RBMS3: variants seen among roughly 807,000 people sequenced by gnomAD.
The protein encoded by RBMS3 is RNA-binding motif, single-stranded-interacting protein 3.
RBMS3 carries 27 observed loss-of-function variants against 66.8 expected under a neutral mutation model. The observed-to-expected ratio is 0.40, with a 90% CI of 0.30 to 0.56. The LOEUF (loss-of-function observed/expected upper bound fraction) is 0.56. Ranked by LOEUF, RBMS3 falls within the 20% of genes least tolerant of loss-of-function variation. The pLI is 0.40. For synonymous variants in RBMS3, 188 were observed against 183.0 expected (o/e 1.03, Z -0.22); for missense variants, 513 against 549.5 (o/e 0.93, Z 0.66).
intron 1 of RBMS3, among the ~76,000 whole-genome samples, chr3:29,314,513 T>C (rs1380636162): frequency 1.3e-5 from 2 of 151,584 alleles, no homozygotes; most frequent in African/African-American, 4.8e-5. Flanking sequence ...CAGGCTGAGG[T>C]TTATAAAGTT....
At chr3:29,286,940 G>T (rs2032395513) in intron 1 of RBMS3, among the ~76,000 whole-genome samples, 1 of 152,078 alleles carries the variant, frequency 6.6e-6, no homozygotes, top group Admixed American at 6.6e-5. Context: ...CATTGAAATT[G>T]TTTTGTAACA....
rs2051008101 is a variant in RBMS3 at position 29,671,705 on chromosome 3, A to C, written c.400-68015A>C. 2.0e-5 allele frequency among the ~76,000 whole-genome samples: 3 copies of C among 152,226 alleles called. No homozygotes were observed. In the South Asian group the frequency reaches 6.2e-4, roughly 31 times the overall value. On this transcript the variant is annotated intron_variant, in intron 4 of 14. Coordinates refer to ENST00000383767, the MANE Select transcript of RBMS3 (RefSeq NM_001003793.3). ...TCAGTGATTGAAGATCAAATTAATG[A>C]AATGAAGCGAGAAGAGAAGTTTAGA... is the stretch of plus-strand genomic sequence containing the variant.
intron 6 of RBMS3, among the ~76,000 whole-genome samples, chr3:29,818,989 G>A (rs749141761): frequency 9.2e-5 from 14 of 152,116 alleles, no homozygotes; most frequent in Non-Finnish European, 1.9e-4. Flanking sequence ...TTAAAAAGTA[G>A]TTTTCTAGAC....
chr3:29,475,870 T>C (rs2042930420), intron 2 of RBMS3, among the ~76,000 whole-genome samples: 1 of 152,030 alleles, frequency 6.6e-6, no homozygotes, highest in East Asian at 1.9e-4. Context: ...TTTAAGCTTA[T>C]TAAAAAAAAG....
chr3:29,636,446 C>G (rs2049476886), intron 4 of RBMS3, among the ~76,000 whole-genome samples: 1 of 151,898 alleles, frequency 6.6e-6, no homozygotes. Context: ...ATGGCTGTCA[C>G]TAGAATGCTC....
At chr3:29,926,389 C>T (rs2060938892) in intron 10 of RBMS3, among the ~76,000 whole-genome samples, 1 of 152,124 alleles carries the variant, frequency 6.6e-6, no homozygotes, top group South Asian at 2.1e-4. Context: ...CAGCAAATTG[C>T]AGGACAAGGA....
chr3:29,523,533 T>C (rs1351671714), intron 3 of RBMS3, among the ~76,000 whole-genome samples: 5 of 152,152 alleles, frequency 3.3e-5, no homozygotes, highest in Non-Finnish European at 7.3e-5. Context: ...GATATCTTCA[T>C]TGGACATCTC....
At chr3:29,302,127 A>G (rs2033714905) in intron 1 of RBMS3, among the ~76,000 whole-genome samples, 1 of 151,902 alleles carries the variant, frequency 6.6e-6, no homozygotes, top group African/African-American at 2.4e-5. Context: ...TTCCTGCCTC[A>G]ACCTCCCGAA....
At chr3:29,694,515 C>T (rs79587854) in intron 4 of RBMS3, among the ~76,000 whole-genome samples, 3,166 of 152,262 alleles carry the variant, frequency 0.021, 113 homozygotes, top group African/African-American at 0.07. Context: ...GCAAGAGTTA[C>T]TCTGTTCTGG....
chr3:29,549,805 T>C (rs1334044773), intron 3 of RBMS3, among the ~76,000 whole-genome samples: 1 of 152,146 alleles, frequency 6.6e-6, no homozygotes, highest in Admixed American at 6.5e-5. Context: ...AAAAATCTAA[T>C]ATATGGTTCT....
chr3:29,311,383 G>C (rs1225359058), intron 1 of RBMS3, among the ~76,000 whole-genome samples: 5 of 151,702 alleles, frequency 3.3e-5, no homozygotes. Context: ...CCCTCAAGGA[G>C]AGAAAGACAT....
chr3:29,808,365 A>G (rs2057623706), intron 6 of RBMS3, among the ~76,000 whole-genome samples: 1 of 151,824 alleles, frequency 6.6e-6, no homozygotes, highest in Non-Finnish European at 1.5e-5. Context: ...AATGTATCTA[A>G]TGTAGAATTG....
intron 4 of RBMS3, among the ~76,000 whole-genome samples, chr3:29,668,076 T>C (rs2050838275): frequency 6.6e-6 from 1 of 152,190 alleles, no homozygotes. Flanking sequence ...TCTTCATGGA[T>C]AGGATACATT....
chr3:29,890,278 T>C (rs2059968210), intron 8 of RBMS3, among the ~76,000 whole-genome samples: 1 of 151,594 alleles, frequency 6.6e-6, no homozygotes, highest in African/African-American at 2.4e-5. Flanking sequence ...GGGACATGCC[T>C]TTTAGAGGTG....
chr3:29,391,020 T>G, intron 1 of RBMS3: 1 of 394,226 alleles, frequency 2.5e-6, no homozygotes. Flanking sequence ...TGTAATGAGC[T>G]TTGTATGTCA....
intron 11 of RBMS3, among the ~76,000 whole-genome samples, chr3:29,937,179 T>G (rs924064550): frequency 2.0e-5 from 3 of 152,048 alleles, no homozygotes; most frequent in Non-Finnish European, 4.4e-5. Context: ...TGTCAATTTT[T>G]GGGAAAATAA....
chr3:29,974,695 A>T (rs1322696404), intron 12 of RBMS3, among the ~76,000 whole-genome samples: 1 of 151,026 alleles, frequency 6.6e-6, no homozygotes, highest in African/African-American at 2.4e-5. Flanking sequence ...TACAGTGTAA[A>T]ACCTTTTATG....
intron 3 of RBMS3, among the ~76,000 whole-genome samples, chr3:29,508,914 T>C (rs138510148): frequency 2.0e-5 from 3 of 151,730 alleles, no homozygotes; most frequent in African/African-American, 7.3e-5. Flanking sequence ...AGATGGTATC[T>C]CATGGTGGTT....
At position 29,514,546 on chromosome 3, in the gene RBMS3, G is replaced by A. The variant is rs2044535192; in HGVS notation, c.307+26047G>A. On this transcript the variant is annotated intron_variant, in intron 3 of 14. Coordinates refer to ENST00000383767, the MANE Select transcript of RBMS3 (RefSeq NM_001003793.3). ...AACATTTGTCAAACATGTACTTTTGGAAAAACACTGTGATTGACACTGAGG... is the reference window on the plus strand; with the variant it reads ...AACATTTGTCAAACATGTACTTTTGAAAAAACACTGTGATTGACACTGAGG... Among the ~76,000 whole-genome samples the A allele has an allele frequency of 2.0e-5, 3 of 150,680 alleles. No individual in the cohort carries two copies. The South Asian group carries it at 6.3e-4, about 32-fold the overall frequency.
Sources: allele counts gnomAD v4.1 joint callset (sites outside exome capture counted in the v4.1 genomes callset), GRCh38; gene constraint gnomAD v4.1.1; transcripts MANE v1.5; gene names NCBI Gene and HGNC (gene_info 2026-07-23, HGNC 2026-07-21).